The following SIL1 variants were observed in gnomAD, a reference collection of about 807,000 sequenced individuals.
SIL1 encodes the protein SIL1 nucleotide exchange factor, also known as nucleotide exchange factor SIL1.
Under a neutral mutation model 49.1 loss-of-function variants are expected in SIL1, and 40 were observed. That is an observed-to-expected ratio of 0.81 (90% confidence interval 0.63 to 1.06). The LOEUF is 1.06. Ranked by LOEUF, SIL1 falls within the 50% of genes least tolerant of loss-of-function variation. SIL1 has a pLI of 0.00. For missense variants in SIL1, 500 were observed against 572.6 expected (o/e 0.87, Z 1.29); for synonymous variants, 253 against 250.8 (o/e 1.01, Z -0.08).
intron 1 of SIL1, among the ~76,000 whole-genome samples, chr5:139,167,102 G>A (rs1376193928): frequency 2.6e-5 from 4 of 152,034 alleles, no homozygotes; most frequent in East Asian, 3.9e-4. Flanking sequence ...GTGAGCCACC[G>A]CGCCCAGCCT....
chr5:139,190,360 C>T (rs1056332475), intron 1 of SIL1, among the ~76,000 whole-genome samples: 1 of 152,180 alleles, frequency 6.6e-6, no homozygotes, highest in Non-Finnish European at 1.5e-5. Context: ...AAGAGAAACA[C>T]ATTTCGACAT....
chr5:138,995,806 A>G (rs1354885672), intron 7 of SIL1, among the ~76,000 whole-genome samples: 2 of 152,192 alleles, frequency 1.3e-5, no homozygotes, highest in African/African-American at 4.8e-5. Context: ...AAGTGAGAAC[A>G]TGTGATATTT....
chr5:139,177,633 G>A (rs1044026369), intron 1 of SIL1, among the ~76,000 whole-genome samples: 6 of 152,190 alleles, frequency 3.9e-5, no homozygotes, highest in Admixed American at 6.5e-5. Flanking sequence ...AGTGAAAGGA[G>A]TAGTGGGCAA....
At chr5:139,051,347 C>G (rs1387829738) in intron 3 of SIL1, 4 of 437,844 alleles carry the variant, frequency 9.1e-6, no homozygotes, top group Non-Finnish European at 1.7e-5. Context: ...TCTATGTCTT[C>G]TTGAGCTAAT....
chr5:139,175,763 G>T (rs1220810451), intron 1 of SIL1, among the ~76,000 whole-genome samples: 1 of 152,026 alleles, frequency 6.6e-6, no homozygotes, highest in Non-Finnish European at 1.5e-5. Flanking sequence ...AGGACTTCAA[G>T]ACCAGCCTGG....
chr5:139,051,192 C>A, intron 3 of SIL1, 146 bp from the exon 4 acceptor site: 1 of 715,688 alleles, frequency 1.4e-6, no homozygotes, highest in Non-Finnish European at 2.5e-6. Flanking sequence ...CATCCCTCTC[C>A]CTTGAACACA....
chr5:139,034,537 T>C (rs1768861110), intron 5 of SIL1: 1 of 152,198 alleles, frequency 6.6e-6, no homozygotes, highest in Non-Finnish European at 1.5e-5. Context: ...TATTATAATA[T>C]ACATAAGTAA....
chr5:139,039,359 C>A (rs959450344), intron 5 of SIL1, among the ~76,000 whole-genome samples: 1 of 152,190 alleles, frequency 6.6e-6, no homozygotes, highest in Non-Finnish European at 1.5e-5. Flanking sequence ...TGCACTGGCA[C>A]TAAGTGGGGT....
At chr5:139,111,702 CCT>C (rs1333442655) in intron 3 of SIL1, among the ~76,000 whole-genome samples, 1 of 152,150 alleles carries the variant, frequency 6.6e-6, no homozygotes, top group African/African-American at 2.4e-5. Context: ...TTTCAGTTCT[CCT>C]CTTCTACTAT....
chr5:139,058,294 G>A lies in SIL1; in HGVS notation c.245-7248C>T, dbSNP rs559225313. On this transcript the variant is annotated intron_variant, in intron 3 of 9. Coordinates refer to ENST00000394817, the MANE Select transcript of SIL1 (RefSeq NM_022464.5). ...GAGGATTGACCACTCGTGGTCTGGA[G>A]TTAGACAGTGGCAGTAATTGCACAA... Among the ~76,000 whole-genome samples the A allele has an allele frequency of 3.9e-5, 6 of 151,946 alleles. No homozygotes were observed. In the South Asian group the frequency reaches 1.2e-3, roughly 32 times the overall value.
At chr5:138,998,005 G>A (rs1456619955) in intron 7 of SIL1, among the ~76,000 whole-genome samples, 1 of 152,138 alleles carries the variant, frequency 6.6e-6, no homozygotes, top group South Asian at 2.1e-4. Flanking sequence ...AATTGCACTG[G>A]TATTTTGATA....
chr5:139,006,648 G>C (rs1186696179), intron 7 of SIL1, among the ~76,000 whole-genome samples: 2 of 151,480 alleles, frequency 1.3e-5, no homozygotes, highest in Admixed American at 1.3e-4. Context: ...AAGGTGTAAG[G>C]AAGGGATCCA....
intron 1 of SIL1, among the ~76,000 whole-genome samples, chr5:139,159,862 GAA>G (rs1751475934): frequency 6.6e-6 from 1 of 152,178 alleles, no homozygotes; most frequent in Non-Finnish European, 1.5e-5. Context: ...ATTTAAGAAA[GAA>G]GAGGAAATCA....
At chr5:138,992,852 C>A (rs1767786932) in intron 7 of SIL1, among the ~76,000 whole-genome samples, 1 of 150,978 alleles carries the variant, frequency 6.6e-6, no homozygotes, top group Non-Finnish European at 1.5e-5. Flanking sequence ...CACCTGTTCC[C>A]AAAAAACTAT....
At chr5:139,153,061 G>A (rs1332909947) in intron 1 of SIL1, among the ~76,000 whole-genome samples, 5 of 152,014 alleles carry the variant, frequency 3.3e-5, no homozygotes, top group African/African-American at 4.8e-5. Context: ...TAGGTGATCC[G>A]CCCCCCTTGG....
chr5:139,024,679 T>C (rs1229127550), intron 6 of SIL1, among the ~76,000 whole-genome samples: 1 of 152,192 alleles, frequency 6.6e-6, no homozygotes, highest in East Asian at 1.9e-4. Flanking sequence ...TGCAATAGCC[T>C]CCTATCTGGT....
At chr5:139,108,328 T>C (rs945336714) in intron 3 of SIL1, 11 of 152,170 alleles carry the variant, frequency 7.2e-5, no homozygotes, top group African/African-American at 2.4e-4. Flanking sequence ...AGAGTTCTAT[T>C]CCGAAGCCTT....
chr5:139,036,212 T>C (rs921149389), intron 5 of SIL1, among the ~76,000 whole-genome samples: 1 of 152,218 alleles, frequency 6.6e-6, no homozygotes, highest in African/African-American at 2.4e-5. Flanking sequence ...GGCATCTTCG[T>C]CATGAAATCT....
At chr5:138,970,521 G>A (rs1247743585) in intron 7 of SIL1, among the ~76,000 whole-genome samples, 2 of 152,116 alleles carry the variant, frequency 1.3e-5, no homozygotes, top group Non-Finnish European at 2.9e-5. Flanking sequence ...AGTGTACTGG[G>A]TCCCATTATG....
Sources: allele counts gnomAD v4.1 joint callset (sites outside exome capture counted in the v4.1 genomes callset), GRCh38; gene constraint gnomAD v4.1.1; transcripts MANE v1.5; gene names NCBI Gene and HGNC (gene_info 2026-07-23, HGNC 2026-07-21).